Variants in EXPH5 observed in about 807,000 individuals in gnomAD.
EXPH5 encodes exophilin-5.
In EXPH5, 42 loss-of-function variants were observed where a neutral mutation model predicts 41.1. The observed-to-expected ratio is 1.02, with a 90% CI of 0.80 to 1.32. The LOEUF is 1.32. Among genes scored for constraint, EXPH5 ranks in the 40% most tolerant of loss-of-function variants. The pLI, the probability that EXPH5 is intolerant of heterozygous loss-of-function variation, is 0.00. For missense variants in EXPH5, 2,298 were observed against 2,314.5 expected, an observed-to-expected ratio of 0.99 and a Z score of 0.15; for synonymous variants, 798 against 833.5, an observed-to-expected ratio of 0.96 and a Z score of 0.73.
At chr11:108,522,173 C>T (rs1591683565) in intron 4 of EXPH5, among the ~76,000 whole-genome samples, 2 of 150,986 alleles carry the variant, frequency 1.3e-5, no homozygotes, top group South Asian at 4.2e-4. Context: ...TGTAACTCTG[C>T]AAGGGTGAGG....
chr11:108,596,526 C>T (rs1023848003), upstream of EXPH5, among the ~76,000 whole-genome samples: 8 of 152,140 alleles, frequency 5.3e-5, no homozygotes, highest in Non-Finnish European at 1.2e-4. Context: ...CAGTTTTTGG[C>T]ACAAGCAGTT....
rs2093674601 is a variant in EXPH5 at position 108,510,825 on chromosome 11, T to G, written c.4682A>C (p.Lys1561Thr). The change falls in exon 6 of 6, where the codon AAG becomes ACG. Residue 1561 changes from lysine (K) to threonine (T), a missense_variant. Coordinates refer to ENST00000265843, the MANE Select transcript of EXPH5 (RefSeq NM_015065.3). ...ESRKAEDEMQKSAWDQPSLPE... is the reference protein window; with the variant it reads ...ESRKAEDEMQTSAWDQPSLPE... The stretch of plus-strand genomic sequence containing the variant: ...AAGTGAAGGTTGATCCCAAGCTGAC[T>G]TCTGCATTTCATCTTCAGCCTTCCT... 3 of 1,614,186 alleles carry G rather than the reference T, an allele frequency of 1.9e-6. No homozygotes were observed. The highest frequency in any genetic ancestry group is 2.5e-6 in the Non-Finnish European group (3 of 1,180,012).
chr11:108,579,564 G>A (rs951419180), intron 1 of EXPH5, among the ~76,000 whole-genome samples: 7 of 151,942 alleles, frequency 4.6e-5, no homozygotes, highest in African/African-American at 1.7e-4. Flanking sequence ...TAAATATGGG[G>A]AGTTCTGCTT....
At chr11:108,546,466 C>G (rs928101918) in intron 1 of EXPH5, among the ~76,000 whole-genome samples, 1 of 151,980 alleles carries the variant, frequency 6.6e-6, no homozygotes, top group African/African-American at 2.4e-5. Flanking sequence ...AAAAGTGACC[C>G]CCAGGTGATG....
At chr11:108,595,038 T>C (rs571114998), upstream of EXPH5, among the ~76,000 whole-genome samples, 1 of 152,364 alleles carries the variant, frequency 6.6e-6, no homozygotes, top group South Asian at 2.1e-4. Flanking sequence ...GTCTTGTATA[T>C]GGTGTCCAGT....
intron 1 of EXPH5, among the ~76,000 whole-genome samples, chr11:108,563,858 G>C (rs1273795288): frequency 1.3e-5 from 2 of 152,180 alleles, no homozygotes; most frequent in Non-Finnish European, 2.9e-5. Flanking sequence ...CTGCTCCTCT[G>C]AATAAAGCTG....
rs1330799528 is a variant in EXPH5 at position 108,514,516 on chromosome 11, A to G, written c.991T>C (p.Leu331=). The G allele has an allele frequency of 1.2e-6, 2 of 1,612,622 alleles. No homozygotes were observed. Among genetic ancestry groups the G allele is most frequent in the East Asian group, 4.5e-5 (2 of 44,882 alleles). Residue 331 remains leucine (L), a synonymous_variant, in exon 6 of 6, where the codon TTA becomes CTA. Coordinates refer to ENST00000265843, the MANE Select transcript of EXPH5 (RefSeq NM_015065.3). ...LCFDSRQRSA[L]PATGHFTARS... Reference sequence around the variant, plus strand: ...GCTGTGAAATGCCCTGTGGCTGGTAAGGCCGACCGTTGCCTGCTGTCAAAA... The same window carrying G: ...GCTGTGAAATGCCCTGTGGCTGGTAGGGCCGACCGTTGCCTGCTGTCAAAA...
intron 1 of EXPH5, among the ~76,000 whole-genome samples, chr11:108,579,840 G>C (rs1438266444): frequency 2.0e-5 from 3 of 152,134 alleles, no homozygotes; most frequent in African/African-American, 7.2e-5. Flanking sequence ...CCCTAGTTCA[G>C]GTTTGAGGAG....
chr11:108,546,131 T>C lies in EXPH5; in HGVS notation c.120-4319A>G, dbSNP rs573289811. Among the ~76,000 whole-genome samples, 3 of 151,652 alleles carry C rather than the reference T, an allele frequency of 2.0e-5. No individual in the cohort carries two copies. The East Asian group carries it at 5.9e-4, about 30-fold the overall frequency. On this transcript the variant is annotated intron_variant, in intron 1 of 5. Transcript: ENST00000265843. ...CAAGGGAAGAAGCAAGGAACAGAAA[T>C]AAGGCCTGTGTAGCTGGAGTGTGGA...
upstream of EXPH5, among the ~76,000 whole-genome samples, chr11:108,598,285 T>C (rs1024398599): frequency 3.9e-5 from 6 of 152,206 alleles, no homozygotes; most frequent in African/African-American, 1.2e-4. Flanking sequence ...TTTTTGAACC[T>C]TCATCTTCAT....
chr11:108,514,051 C>G lies in EXPH5; in HGVS notation c.1456G>C (p.Gly486Arg). 3.7e-6 allele frequency: 6 copies of G among 1,614,142 alleles called. No individual in the cohort carries two copies. The highest frequency in any genetic ancestry group is 5.1e-6 in the Non-Finnish European group (6 of 1,179,992). ...GQGPFWGQEK[G>R]HSFWSDFHRS... ...TGAAAGTCAGACCAGAAAGAATGTC[C>G]TTTCTCTTGGCCCCAAAAAGGACCT... is the stretch of plus-strand genomic sequence containing the variant. Residue 486 changes from glycine (G) to arginine (R), a missense_variant, in exon 6 of 6, where the codon GGA becomes CGA. Gly to Arg is a moderately radical substitution (Grantham distance 125, BLOSUM62 -2). Coordinates refer to ENST00000265843, the MANE Select transcript of EXPH5 (RefSeq NM_015065.3).
At chr11:108,517,569 T>C (rs2093734747) in intron 5 of EXPH5, among the ~76,000 whole-genome samples, 1 of 152,244 alleles carries the variant, frequency 6.6e-6, no homozygotes, top group South Asian at 2.1e-4. Flanking sequence ...ACTATGATCA[T>C]ATAATAAGAT....
At chr11:108,539,432 A>G (rs2093900206) in intron 2 of EXPH5, among the ~76,000 whole-genome samples, 1 of 152,186 alleles carries the variant, frequency 6.6e-6, no homozygotes, top group Admixed American at 6.5e-5. Context: ...ACTGTGAATC[A>G]GAGTTCCTAG....
At chr11:108,605,891 C>G in the EXPH5 span, among the ~76,000 whole-genome samples, 3 of 152,250 alleles carry the variant, frequency 2.0e-5, no homozygotes, top group Non-Finnish European at 4.4e-5. Context: ...GCGCTGGCCT[C>G]CAGCCTCCAT....
intron 3 of EXPH5, chr11:108,538,219 A>G: frequency 1.0e-6 from 1 of 985,400 alleles, no homozygotes. Context: ...GTGCTGCAAT[A>G]CACCGTGTGG....
intron 4 of EXPH5, among the ~76,000 whole-genome samples, chr11:108,521,951 A>G (rs1015007181): frequency 6.6e-6 from 1 of 152,198 alleles, no homozygotes; most frequent in African/African-American, 2.4e-5. Flanking sequence ...GTACATGAAC[A>G]GAGGGGTCAC....
At chr11:108,537,970 A>T (rs970755346) in intron 3 of EXPH5, 1 of 985,256 alleles carries the variant, frequency 1.0e-6, no homozygotes, top group Non-Finnish European at 1.2e-6. Context: ...CACCTATTTG[A>T]AGAGTATTTC....
At chr11:108,598,048 G>A (rs1422307961), upstream of EXPH5, among the ~76,000 whole-genome samples, 1 of 152,206 alleles carries the variant, frequency 6.6e-6, no homozygotes, top group Non-Finnish European at 1.5e-5. Context: ...TTTAGAGTGT[G>A]ATAAGTGTTG....
intron 1 of EXPH5, among the ~76,000 whole-genome samples, chr11:108,581,295 C>T (rs1007921778): frequency 2.0e-5 from 3 of 151,130 alleles, no homozygotes; most frequent in Non-Finnish European, 4.4e-5. Flanking sequence ...CAGAGCAAGA[C>T]ACTATTTCAG....
Sources: gnomAD v4.1 joint callset for allele counts (sites outside exome capture counted in the v4.1 genomes callset) on GRCh38, gnomAD v4.1.1 for gene constraint, MANE v1.5 for transcripts, NCBI Gene and HGNC (gene_info 2026-07-23, HGNC 2026-07-21) for gene names.